MTR: variants seen among roughly 807,000 people sequenced by gnomAD.
MTR encodes the protein methionine synthase.
In MTR, 84 loss-of-function variants were observed where a neutral mutation model predicts 154.8. The ratio of observed to expected loss-of-function variants is 0.54; its 90% CI spans 0.45 to 0.65. The LOEUF is 0.65. MTR is among the 30% of genes least tolerant of loss of function. The pLI is 0.00. For missense variants in MTR, 1,275 were observed against 1,570.2 expected, an observed-to-expected ratio of 0.81 and a Z score of 3.18; for synonymous variants, 554 against 553.9, an observed-to-expected ratio of 1.00 and a Z score of 0.00.
chr1:236,862,229 T>C lies in MTR; in HGVS notation c.2197-7T>C. 1 of 1,608,832 alleles carries C rather than the reference T, an allele frequency of 6.2e-7. No homozygotes were observed. On this transcript the variant is annotated splice_polypyrimidine_tract_variant and splice_region_variant and intron_variant, in intron 20 of 32. Coordinates refer to ENST00000366577, the MANE Select transcript of MTR (RefSeq NM_000254.3). ...GAAAGATACCTGATCTATGCTTTTT[T>C]TCTCAGGTTATAAAGTCAGCCCGGG...
chr1:236,891,105 G>A (rs1002962005), intron 28 of MTR, 28 bp from the exon 29 acceptor site: 3 of 1,613,130 alleles, frequency 1.9e-6, no homozygotes, highest in Middle Eastern at 1.7e-4. Flanking sequence ...GCATCTTTAA[G>A]TGAATTCTAA....
At position 236,859,821 on chromosome 1, in the gene MTR, A is replaced by C. The variant is rs192346180; in HGVS notation, c.1954-12A>C. ...GAGTTGTATCCATTTCTTGGTTTCA[A>C]TTTCAATTCAGACTCAAGGCACAGG... On this transcript the variant is annotated splice_polypyrimidine_tract_variant and intron_variant, in intron 18 of 32. Transcript: ENST00000366577. The C allele has an allele frequency of 5.1e-5, 82 of 1,611,276 alleles. 1 individual carries two copies. The African/African-American group carries it at 1.0e-3, about 20-fold the overall frequency.
At chr1:236,815,508 A>G in intron 6 of MTR, 96 bp from the exon 7 acceptor site, 1 of 1,180,540 alleles carries the variant, frequency 8.5e-7, no homozygotes, top group Non-Finnish European at 1.3e-6. Flanking sequence ...TCTTATCTGA[A>G]GAGGTCTTAG....
chr1:236,816,479 C>T lies in MTR; in HGVS notation c.700C>T (p.Arg234Trp), dbSNP rs1572203213. ...ISGTIVDKSG[R>W]TLSGQTGEGF... ...AGGGACGATCGTTGATAAAAGTGGGCGGACTCTTTCCGGACAGACAGGAGA... is the reference window on the plus strand; with the variant it reads ...AGGGACGATCGTTGATAAAAGTGGGTGGACTCTTTCCGGACAGACAGGAGA... Residue 234 changes from arginine to tryptophan, a missense_variant, in exon 8 of 33, where the codon CGG becomes TGG. Coordinates refer to ENST00000366577, the MANE Select transcript of MTR (RefSeq NM_000254.3). 2.5e-6 allele frequency: 4 copies of T among 1,614,020 alleles called. No homozygotes were observed. Among genetic ancestry groups the T allele is most frequent in the Non-Finnish European group, 3.4e-6 (4 of 1,179,948 alleles).
At chr1:236,842,999 T>C (rs1343131034) in intron 15 of MTR, among the ~76,000 whole-genome samples, 5 of 151,058 alleles carry the variant, frequency 3.3e-5, no homozygotes, top group Non-Finnish European at 7.4e-5. Context: ...GGCATGAGAA[T>C]TGCTTGAACC....
chr1:236,837,402 A>T (rs78781912), intron 14 of MTR, among the ~76,000 whole-genome samples: 1 of 152,276 alleles, frequency 6.6e-6, no homozygotes, highest in East Asian at 1.9e-4. Flanking sequence ...CATGCTTCAT[A>T]GACTGGGTGC....
chr1:236,869,098 C>CACCTTA lies in MTR; in HGVS notation c.2406-4674_2406-4669dup, dbSNP rs141258660. Among the ~76,000 whole-genome samples the CACCTTA allele has an allele frequency of 9.3e-3, 1,419 of 152,232 alleles. 12 individuals are homozygous for CACCTTA. The highest frequency in any genetic ancestry group is 0.031 in the African/African-American group (1,271 of 41,544). ...ATTGCAGGAGCAGCAGACAGGCTGCCACCTTAGTTAACTGAGAAATAAAGG... is the reference window on the plus strand; with the variant it reads ...ATTGCAGGAGCAGCAGACAGGCTGCCACCTTAACCTTAGTTAACTGAGAAATAAAGG... On this transcript the variant is annotated intron_variant, in intron 22 of 32. Transcript: ENST00000366577.
chr1:236,850,868 T>C (rs897365352), intron 16 of MTR, among the ~76,000 whole-genome samples: 1 of 152,104 alleles, frequency 6.6e-6, no homozygotes, highest in African/African-American at 2.4e-5. Flanking sequence ...CCACAGAACC[T>C]GATAAATAAT....
Position 236,819,736 on chromosome 1 carries a change from T to A in MTR, c.764+3193T>A, listed in dbSNP as rs189163111. On this transcript the variant is annotated intron_variant, in intron 8 of 32. Transcript: ENST00000366577. Reference sequence around the variant, plus strand: ...GGTGGCACCAAACTTGACTTCCAAATGAAGCAGTACATCTATAAAAGGAAA... The same window carrying A: ...GGTGGCACCAAACTTGACTTCCAAAAGAAGCAGTACATCTATAAAAGGAAA... 62 of 735,378 alleles carry A rather than the reference T, an allele frequency of 8.4e-5. 1 individual carries two copies. The East Asian group carries it at 1.4e-3, about 16-fold the overall frequency. 45.6% of individuals were successfully genotyped at this position (735,378 alleles called of 1,614,324 possible). A position where few individuals can be genotyped will look rare whatever the true frequency, so the allele number is the denominator to read the frequency against.
At chr1:236,828,063 C>T (rs949577745) in intron 11 of MTR, among the ~76,000 whole-genome samples, 2 of 152,030 alleles carry the variant, frequency 1.3e-5, no homozygotes, top group Non-Finnish European at 2.9e-5. Context: ...CTGCAAGCTC[C>T]ACCTCCCAGG....
chr1:236,823,021 T>C (rs1033941949), intron 8 of MTR, among the ~76,000 whole-genome samples: 2 of 152,212 alleles, frequency 1.3e-5, no homozygotes, highest in African/African-American at 4.8e-5. Flanking sequence ...CCTAGTTTGC[T>C]GAATTTTTTT....
At chr1:236,872,787 C>CTT (rs1213942482) in intron 22 of MTR, among the ~76,000 whole-genome samples, 1 of 152,182 alleles carries the variant, frequency 6.6e-6, no homozygotes, top group Non-Finnish European at 1.5e-5. Context: ...GGGAGGATCA[C>CTT]TTGAGCCCAG....
Position 236,831,977 on chromosome 1 carries a change from T to A in MTR, c.1087T>A (p.Phe363Ile). The change falls in exon 13 of 33, where the codon TTC (phenylalanine) becomes ATC (isoleucine). Residue 363 changes from phenylalanine (F) to isoleucine (I), a missense_variant. Physicochemically the swap from Phe to Ile is conservative, Grantham distance 21 (BLOSUM62 0). Coordinates refer to ENST00000366577, the MANE Select transcript of MTR (RefSeq NM_000254.3). ...GHMLLSGLEP[F>I]RIGPYTNFVN... is the part of the protein sequence containing the mutation. ...CTTCTCCTTTTAAGGTCTAGAGCCCTTCAGGATTGGACCGTACACCAACTT... is the reference window on the plus strand; with the variant it reads ...CTTCTCCTTTTAAGGTCTAGAGCCCATCAGGATTGGACCGTACACCAACTT... 3.1e-6 allele frequency: 5 copies of A among 1,614,040 alleles called. No homozygotes were observed. The highest frequency in any genetic ancestry group is 4.2e-6 in the Non-Finnish European group (5 of 1,179,908).
chr1:236,892,039 A>G (rs982917542), intron 29 of MTR, among the ~76,000 whole-genome samples: 1 of 152,220 alleles, frequency 6.6e-6, no homozygotes. Flanking sequence ...AAAGGCAAAT[A>G]TCATATGCAT....
In MTR at chr1:236,889,248, T is replaced by A. The variant is rs749047725; in HGVS notation, c.2919T>A (p.Ile973=). ...ACCTGCAGAAGCTGGTGGACTACAT[T>A]GACTGGAAGCCTTTCTTTGATGTCT... ...DYDLQKLVDY[I]DWKPFFDVWQ... is the part of the protein sequence containing the mutation. Residue 973 remains isoleucine, a synonymous_variant, in exon 28 of 33, where the codon ATT becomes ATA. Coordinates refer to ENST00000366577, the MANE Select transcript of MTR (RefSeq NM_000254.3). 1 of 1,614,096 alleles carries A rather than the reference T, an allele frequency of 6.2e-7. No homozygotes were observed. The highest frequency in any genetic ancestry group is 1.3e-5 in the African/African-American group (1 of 74,922).
chr1:236,884,716 G>A (rs1665924366), intron 25 of MTR, among the ~76,000 whole-genome samples: 1 of 152,162 alleles, frequency 6.6e-6, no homozygotes, highest in East Asian at 1.9e-4. Flanking sequence ...GAATGCCCAT[G>A]TGTCTAGCCT....
intron 1 of MTR, among the ~76,000 whole-genome samples, chr1:236,798,763 G>GT (rs1660544660): frequency 6.6e-6 from 1 of 152,206 alleles, no homozygotes; most frequent in Non-Finnish European, 1.5e-5. Context: ...CAGTAGTTAA[G>GT]TATACAGAAT....
In MTR at chr1:236,826,888, T is replaced by C; in HGVS notation, c.987T>C (p.Asp329=). ...GAGGATGCTGTGGGTCAACACCAGA[T>C]CATATCAGGTAATAATCACCTATAG... The part of the protein sequence containing the change: ...IVGGCCGSTP[D]HIREIAEAVK... The change falls in exon 11 of 33, where the codon GAT becomes GAC. Residue 329 remains aspartate, a synonymous_variant. Coordinates refer to ENST00000366577, the MANE Select transcript of MTR (RefSeq NM_000254.3). 6.2e-7 allele frequency: 1 copy of C among 1,613,744 alleles called. No homozygotes were observed. The highest frequency in any genetic ancestry group is 8.5e-7 in the Non-Finnish European group (1 of 1,179,646).
rs1389676149 is a variant in MTR at position 236,899,840 on chromosome 1, T to G, written c.*2196T>G. The G allele has an allele frequency of 6.6e-6, 1 of 152,618 alleles. No individual in the cohort carries two copies. The highest frequency in any genetic ancestry group is 6.5e-5 in the Admixed American group (1 of 15,320). 9.5% of individuals were successfully genotyped at this position (152,618 alleles called of 1,614,324 possible). A position where few individuals can be genotyped will look rare whatever the true frequency, so the allele number is the denominator to read the frequency against. ...ATAGGGCTTTTAAATAAATAGATGT[T>G]CTGTAGCATTGGTCAGGGAAATATG... On this transcript the variant is annotated 3_prime_UTR_variant, in exon 33 of 33. Transcript: ENST00000366577.
Sources: allele counts gnomAD v4.1 joint callset (sites outside exome capture counted in the v4.1 genomes callset), GRCh38; gene constraint gnomAD v4.1.1; transcripts MANE v1.5; gene names NCBI Gene and HGNC (gene_info 2026-07-23, HGNC 2026-07-21).